The following TMEM144 variants were observed in gnomAD, a reference collection of about 807,000 sequenced individuals.
TMEM144 encodes transmembrane protein 144.
TMEM144 carries 39 observed loss-of-function variants against 43.6 expected under a neutral mutation model. The ratio of observed to expected loss-of-function variants is 0.90; its 90% CI spans 0.69 to 1.17. The LOEUF (loss-of-function observed/expected upper bound fraction) is 1.17, where lower values mean the gene tolerates loss of function less well. Ranked by LOEUF, TMEM144 falls within the 50% of genes most tolerant of loss-of-function variation. The pLI, the probability that TMEM144 is intolerant of heterozygous loss-of-function variation, is 0.00. For synonymous variants in TMEM144, 154 were observed against 133.6 expected (o/e 1.15, Z -1.06); for missense variants, 417 against 411.9 (o/e 1.01, Z -0.11).
At position 158,239,069 on chromosome 4, in the gene TMEM144, A is replaced by T. The variant is rs531409368; in HGVS notation, c.683-1230A>T. 1.8e-4 allele frequency among the ~76,000 whole-genome samples: 27 copies of T among 152,340 alleles called. No individual in the cohort carries two copies. The South Asian group carries it at 5.4e-3, about 30-fold the overall frequency. On this transcript the variant is annotated intron_variant, in intron 9 of 12. Coordinates refer to ENST00000296529, the MANE Select transcript of TMEM144 (RefSeq NM_018342.5). ...TTGTTTTACGATTGAGAAAATTAAGACAGAGACGTGAGATGATTTGTCCAA... is the reference window on the plus strand; with the variant it reads ...TTGTTTTACGATTGAGAAAATTAAGTCAGAGACGTGAGATGATTTGTCCAA...
At position 158,219,394 on chromosome 4, in the gene TMEM144, C is replaced by T. The variant is rs1440879660; in HGVS notation, c.413+4C>T. The stretch of plus-strand genomic sequence containing the variant: ...GAGCTGGGCTATCAGTAGTAAGGTA[C>T]ACAGTCATTTCTAGTGATTTTGCTG... On this transcript the variant is annotated splice_donor_region_variant and intron_variant, in intron 6 of 12. Transcript: ENST00000296529. 2 of 1,612,080 alleles carry T rather than the reference C, an allele frequency of 1.2e-6. No homozygotes were observed. The highest frequency in any genetic ancestry group is 1.7e-6 in the Non-Finnish European group (2 of 1,178,438).
chr4:158,237,125 G>A (rs896697909), intron 8 of TMEM144, among the ~76,000 whole-genome samples: 7 of 152,046 alleles, frequency 4.6e-5, no homozygotes, highest in African/African-American at 1.7e-4. Flanking sequence ...TGGATAGCAT[G>A]GCCTGTTAAA....
chr4:158,237,288 A>G (rs1464105392), intron 8 of TMEM144: 11 of 412,024 alleles, frequency 2.7e-5, no homozygotes, highest in Non-Finnish European at 4.7e-5. Flanking sequence ...TAATTTCTAT[A>G]AATCATGTAC....
At chr4:158,230,923 A>G (rs183422590) in intron 6 of TMEM144, among the ~76,000 whole-genome samples, 1 of 152,338 alleles carries the variant, frequency 6.6e-6, no homozygotes, top group East Asian at 1.9e-4. Flanking sequence ...GACCCAGGGA[A>G]AAAACATCTG....
intron 8 of TMEM144, among the ~76,000 whole-genome samples, chr4:158,236,801 T>C (rs1579134268): frequency 2.0e-5 from 3 of 152,274 alleles, no homozygotes; most frequent in Non-Finnish European, 4.4e-5. Context: ...TTCTGTTTTC[T>C]GTCATTGTCC....
At chr4:158,236,198 C>T (rs1735338255) in intron 8 of TMEM144, among the ~76,000 whole-genome samples, 1 of 152,094 alleles carries the variant, frequency 6.6e-6, no homozygotes. Context: ...TTTTTGATAG[C>T]GTGTATGCTA....
At chr4:158,249,962 G>A (rs761324311) in intron 12 of TMEM144, among the ~76,000 whole-genome samples, 10 of 145,302 alleles carry the variant, frequency 6.9e-5, no homozygotes, top group Non-Finnish European at 9.1e-5. Context: ...ACTTGGCAAG[G>A]TTTTCGGGTG....
intron 6 of TMEM144, among the ~76,000 whole-genome samples, chr4:158,224,416 A>G (rs1225006039): frequency 1.3e-5 from 2 of 152,194 alleles, no homozygotes; most frequent in Non-Finnish European, 2.9e-5. Flanking sequence ...TAGTTTAATT[A>G]GATCCCACTT....
At chr4:158,238,331 A>C (rs1005457657) in intron 9 of TMEM144, among the ~76,000 whole-genome samples, 1 of 152,200 alleles carries the variant, frequency 6.6e-6, no homozygotes, top group African/African-American at 2.4e-5. Flanking sequence ...ATAAAGGAGA[A>C]TTTGGAGGGC....
intron 12 of TMEM144, among the ~76,000 whole-genome samples, chr4:158,249,889 T>A (rs1454434706): frequency 1.1e-4 from 1 of 9,452 alleles, no homozygotes; most frequent in African/African-American, 3.9e-4. Flanking sequence ...TACTGCCAGG[T>A]GTGTGTGTGT....
At chr4:158,241,422 T>G in intron 10 of TMEM144, 87 bp from the exon 11 acceptor site, 1 of 963,726 alleles carries the variant, frequency 1.0e-6, no homozygotes. Flanking sequence ...CATTTATATG[T>G]GCACTTTGAT....
At chr4:158,235,630 A>T in intron 8 of TMEM144, 125 bp downstream of exon 8, 1 of 995,486 alleles carries the variant, frequency 1.0e-6, no homozygotes, top group South Asian at 3.0e-5. Context: ...TTTGACTTCT[A>T]TCTCCATGCG....
Position 158,254,359 on chromosome 4 carries a change from T to C in TMEM144, c.*832T>C, listed in dbSNP as rs1560847476. Reference sequence around the variant, plus strand: ...GAAATACACTTTTCTAAAACCCTCTTAACTGGAGGTTTCCTGTTTTCTTCT... The same window carrying C: ...GAAATACACTTTTCTAAAACCCTCTCAACTGGAGGTTTCCTGTTTTCTTCT... On this transcript the variant is annotated 3_prime_UTR_variant, in exon 13 of 13. Coordinates refer to ENST00000296529, the MANE Select transcript of TMEM144 (RefSeq NM_018342.5). 6.6e-6 allele frequency: 1 copy of C among 152,208 alleles called. No individual in the cohort carries two copies. Among genetic ancestry groups the C allele is most frequent in the South Asian group, 2.1e-4 (1 of 4,816 alleles). 9.4% of individuals were successfully genotyped at this position (152,208 alleles called of 1,614,324 possible).
chr4:158,227,532 A>T (rs1734836280), intron 6 of TMEM144, among the ~76,000 whole-genome samples: 1 of 151,966 alleles, frequency 6.6e-6, no homozygotes, highest in Non-Finnish European at 1.5e-5. Context: ...AACTACTTAT[A>T]TATATATCTC....
Position 158,253,557 on chromosome 4 carries a change from AGTT to A in TMEM144, c.*31_*33del. 1 of 1,570,504 alleles carries A rather than the reference AGTT, an allele frequency of 6.4e-7. No individual in the cohort carries two copies. The highest frequency in any genetic ancestry group is 8.8e-7 in the Non-Finnish European group (1 of 1,141,906). On this transcript the variant is annotated 3_prime_UTR_variant, in exon 13 of 13. Transcript: ENST00000296529. ...GACAAAACCAGCAGGTGGCAGCAGT[AGTT>A]AAGAGAACGCGTCTATCGGACAGCG...
chr4:158,239,714 T>C (rs1735529315), intron 9 of TMEM144, among the ~76,000 whole-genome samples: 1 of 152,200 alleles, frequency 6.6e-6, no homozygotes. Context: ...AACATCATAG[T>C]TACATAATTC....
In TMEM144 at chr4:158,219,812, A is replaced by G. The variant is rs577863383; in HGVS notation, c.413+422A>G. Among the ~76,000 whole-genome samples the G allele has an allele frequency of 2.6e-5, 4 of 152,232 alleles. No homozygotes were observed. The South Asian group carries it at 8.3e-4, about 32-fold the overall frequency. On this transcript the variant is annotated intron_variant, in intron 6 of 12. Transcript: ENST00000296529. Reference sequence around the variant, plus strand: ...GTACTACTCACTTCCTATCTCACCTAGTTTCCACTTCCCCTGTCTCCTCAC... The same window carrying G: ...GTACTACTCACTTCCTATCTCACCTGGTTTCCACTTCCCCTGTCTCCTCAC...
rs774026862 is a variant in TMEM144, at chr4:158,241,494, G to T, written c.803-15G>T. 1.2e-5 allele frequency: 19 copies of T among 1,606,142 alleles called. No homozygotes were observed. In the Admixed American group the frequency reaches 3.0e-4, roughly 25 times the overall value. Reference sequence around the variant, plus strand: ...GGAACATGGTCTGCAAATGTGTGTTGTCTTTGTATTTCAGGATTCCTGTCA... The same window carrying T: ...GGAACATGGTCTGCAAATGTGTGTTTTCTTTGTATTTCAGGATTCCTGTCA... On this transcript the variant is annotated splice_polypyrimidine_tract_variant and intron_variant, in intron 10 of 12. Transcript: ENST00000296529.
chr4:158,224,695 C>A (rs1185125537), intron 6 of TMEM144, among the ~76,000 whole-genome samples: 1 of 152,120 alleles, frequency 6.6e-6, no homozygotes, highest in Non-Finnish European at 1.5e-5. Flanking sequence ...TATACAAGTC[C>A]AAATTTTAAG....
Sources: gnomAD v4.1 joint callset for allele counts (sites outside exome capture counted in the v4.1 genomes callset) on GRCh38, gnomAD v4.1.1 for gene constraint, MANE v1.5 for transcripts, NCBI Gene and HGNC (gene_info 2026-07-23, HGNC 2026-07-21) for gene names.